Variants in HS3ST5 observed in about 807,000 individuals in gnomAD.
HS3ST5 encodes heparan sulfate glucosamine 3-O-sulfotransferase 5.
HS3ST5 carries 10 observed loss-of-function variants against 25.4 expected under a neutral mutation model. The ratio of observed to expected loss-of-function variants is 0.39; its 90% CI spans 0.24 to 0.67. The LOEUF is 0.67. Among genes scored for constraint, HS3ST5 ranks in the 30% least tolerant of loss-of-function variants. The pLI is 0.44. For synonymous variants in HS3ST5, 170 were observed against 162.4 expected, an observed-to-expected ratio of 1.05 and a Z score of -0.36; for missense variants, 324 against 420.7, an observed-to-expected ratio of 0.77 and a Z score of 2.01.
chr6:114,324,344 T>C (rs1428031353), intron 1 of HS3ST5, among the ~76,000 whole-genome samples: 1 of 152,216 alleles, frequency 6.6e-6, no homozygotes, highest in East Asian at 1.9e-4. Flanking sequence ...AGTAGTTTCT[T>C]ACGTGAGCAG....
At chr6:114,311,027 T>C (rs1260367786) in intron 1 of HS3ST5, among the ~76,000 whole-genome samples, 1 of 152,154 alleles carries the variant, frequency 6.6e-6, no homozygotes, top group Non-Finnish European at 1.5e-5. Flanking sequence ...CAAAGAAACG[T>C]AACTACCAAT....
intron 3 of HS3ST5, among the ~76,000 whole-genome samples, chr6:114,094,658 G>A (rs979327751): frequency 3.3e-5 from 5 of 152,104 alleles, no homozygotes; most frequent in Admixed American, 3.3e-4. Context: ...AAAACACTCA[G>A]TAATTTCACA....
intron 1 of HS3ST5, among the ~76,000 whole-genome samples, chr6:114,276,725 T>G (rs1043404520): frequency 2.6e-5 from 4 of 152,046 alleles, no homozygotes; most frequent in African/African-American, 4.8e-5. Flanking sequence ...TAACTCATAT[T>G]TTATAAAATA....
At chr6:114,312,038 G>A (rs970653782) in intron 1 of HS3ST5, among the ~76,000 whole-genome samples, 1 of 152,184 alleles carries the variant, frequency 6.6e-6, no homozygotes, top group Non-Finnish European at 1.5e-5. Context: ...ATGAAGTAGA[G>A]TTCTACCTAG....
intron 3 of HS3ST5, among the ~76,000 whole-genome samples, chr6:114,140,825 T>C (rs1471849579): frequency 6.6e-6 from 1 of 152,238 alleles, no homozygotes; most frequent in African/African-American, 2.4e-5. Context: ...AGGCAAGATC[T>C]TGGAGCCTGG....
At chr6:114,270,694 G>A (rs73542351) in intron 1 of HS3ST5, among the ~76,000 whole-genome samples, 1,929 of 152,204 alleles carry the variant, frequency 0.013, 34 homozygotes, top group African/African-American at 0.044. Context: ...CCTGAAAAAT[G>A]TGGAGGTCTG....
At chr6:114,152,069 T>C (rs1778475470) in intron 3 of HS3ST5, among the ~76,000 whole-genome samples, 1 of 152,112 alleles carries the variant, frequency 6.6e-6, no homozygotes. Flanking sequence ...TAGCTGGGAC[T>C]ACAGGCGCGT....
intron 2 of HS3ST5, among the ~76,000 whole-genome samples, chr6:114,202,358 A>G (rs997582352): frequency 6.6e-6 from 1 of 151,860 alleles, no homozygotes; most frequent in African/African-American, 2.4e-5. Context: ...TTTCTAATAT[A>G]CTCATTAATT....
intron 1 of HS3ST5, among the ~76,000 whole-genome samples, chr6:114,230,830 C>T (rs575422363): frequency 1.4e-4 from 22 of 152,110 alleles, no homozygotes; most frequent in African/African-American, 4.6e-4. Context: ...CCTCATGATC[C>T]GCCCGCCTCA....
At chr6:114,268,054 C>G (rs1773484266) in intron 1 of HS3ST5, among the ~76,000 whole-genome samples, 1 of 152,128 alleles carries the variant, frequency 6.6e-6, no homozygotes, top group Non-Finnish European at 1.5e-5. Context: ...GCCAAACAAC[C>G]ATGAATGCCC....
intron 1 of HS3ST5, among the ~76,000 whole-genome samples, chr6:114,341,181 GGAGA>G (rs149684447): frequency 1.7e-5 from 2 of 118,144 alleles, no homozygotes; most frequent in Admixed American, 8.6e-5. Context: ...GGAGGGAGAG[GGAGA>G]GGGAGAGGGA....
At chr6:114,298,881 T>C (rs1487482310) in intron 1 of HS3ST5, among the ~76,000 whole-genome samples, 2 of 152,206 alleles carry the variant, frequency 1.3e-5, no homozygotes, top group Non-Finnish European at 2.9e-5. Flanking sequence ...GGAGTATGTA[T>C]GTCACCTCAG....
At chr6:114,093,263 G>GATTAGAGATA (rs1312357186) in intron 3 of HS3ST5, among the ~76,000 whole-genome samples, 15 of 151,890 alleles carry the variant, frequency 9.9e-5, no homozygotes, top group Admixed American at 3.9e-4. Context: ...TAATCAAGCT[G>GATTAGAGATA]CTCCTGATGA....
At chr6:114,250,858 C>T (rs1451079292) in intron 1 of HS3ST5, among the ~76,000 whole-genome samples, 1 of 152,210 alleles carries the variant, frequency 6.6e-6, no homozygotes, top group African/African-American at 2.4e-5. Context: ...TAAAAAATTT[C>T]ACTTGCTTAC....
chr6:114,297,334 G>C (rs960865994), intron 1 of HS3ST5, among the ~76,000 whole-genome samples: 1 of 152,102 alleles, frequency 6.6e-6, no homozygotes, highest in African/African-American at 2.4e-5. Context: ...ACAAGCAAGA[G>C]AATCTGCTGA....
intron 1 of HS3ST5, among the ~76,000 whole-genome samples, chr6:114,285,611 G>T (rs926068364): frequency 6.6e-6 from 1 of 151,852 alleles, no homozygotes; most frequent in South Asian, 2.1e-4. Context: ...ACTCATATGA[G>T]GTATATAAAA....
Position 114,328,571 on chromosome 6 carries a change from T to A in HS3ST5, c.-339+13624A>T, listed in dbSNP as rs536395502. Among the ~76,000 whole-genome samples the A allele has an allele frequency of 2.0e-5, 3 of 152,354 alleles. No individual in the cohort carries two copies. The South Asian group carries it at 6.2e-4, about 32-fold the overall frequency. Reference sequence around the variant, plus strand: ...TTGTAAAACCATAGACACTCCCACGTAGCACAAGCTCAATTCCAGCCAAGC... The same window carrying A: ...TTGTAAAACCATAGACACTCCCACGAAGCACAAGCTCAATTCCAGCCAAGC... On this transcript the variant is annotated intron_variant, in intron 1 of 4. Transcript: ENST00000312719.
chr6:114,317,994 T>C (rs1775810893), intron 1 of HS3ST5, among the ~76,000 whole-genome samples: 1 of 152,166 alleles, frequency 6.6e-6, no homozygotes, highest in Admixed American at 6.6e-5. Context: ...AAATGAGCTT[T>C]TCTCCACTTG....
chr6:114,258,825 G>C (rs1773043838), intron 1 of HS3ST5, among the ~76,000 whole-genome samples: 1 of 151,986 alleles, frequency 6.6e-6, no homozygotes, highest in Non-Finnish European at 1.5e-5. Context: ...ATTTGATAAG[G>C]CTCTTTGTTT....
Sources: gnomAD v4.1 joint callset for allele counts (sites outside exome capture counted in the v4.1 genomes callset) on GRCh38, gnomAD v4.1.1 for gene constraint, MANE v1.5 for transcripts, NCBI Gene and HGNC (gene_info 2026-07-23, HGNC 2026-07-21) for gene names.